Variants in ROBO3 observed in about 807,000 individuals in gnomAD.
ROBO3 encodes roundabout homolog 3.
A neutral mutation model predicts 160.5 loss-of-function variants in ROBO3; 97 were observed. That is an observed-to-expected ratio of 0.60 (90% CI 0.51 to 0.72). ROBO3 has a LOEUF of 0.72. Among genes scored for constraint, ROBO3 ranks in the 30% least tolerant of loss-of-function variants. The pLI, the probability that ROBO3 is intolerant of heterozygous loss-of-function variation, is 0.00. For missense variants in ROBO3, 1,858 were observed against 1,846.5 expected, an observed-to-expected ratio of 1.01 and a Z score of -0.11; for synonymous variants, 780 against 746.2, an observed-to-expected ratio of 1.05 and a Z score of -0.74.
In ROBO3 at chr11:124,873,278, TCA is replaced by T. The variant is rs781097319; in HGVS notation, c.1537-31_1537-30del. 34 of 1,583,298 alleles carry T rather than the reference TCA, an allele frequency of 2.1e-5. 1 individual carries two copies. The highest frequency in any genetic ancestry group is 3.4e-4 in the Middle Eastern group (2 of 5,954). On this transcript the variant is annotated intron_variant, in intron 9 of 27. Transcript: ENST00000397801. The surrounding 1 kb of genome is among the most constrained non-coding windows in gnomAD (Gnocchi z 4.5). ...CCCCTCACTGGATCTTGCTCCACTC[TCA>T]GTTTGCCAGTGCTCTGCCCTCTCTT... is the stretch of plus-strand genomic sequence containing the variant.
Position 124,879,481 on chromosome 11 carries a change from G to T in ROBO3, c.3702G>T (p.Gly1234=), listed in dbSNP as rs1946502193. 1.2e-6 allele frequency: 2 copies of T among 1,613,804 alleles called. No homozygotes were observed. The highest frequency in any genetic ancestry group is 1.1e-5 in the South Asian group (1 of 91,030). The part of the protein sequence containing the change: ...ASSAPGRTWQ[G]NGEMTPPLQG... ...ACACTGCAGGCAGAACCTGGCAGGG[G>T]AATGGGGAGATGACTCCCCCACTTC... Residue 1234 remains glycine, a synonymous_variant, in exon 25 of 28, where the codon GGG becomes GGT. Coordinates refer to ENST00000397801, the MANE Select transcript of ROBO3 (RefSeq NM_022370.4).
rs745508074 is a variant in ROBO3, at chr11:124,870,998, C to T, written c.1034-16C>T. 6.2e-7 allele frequency: 1 copy of T among 1,601,188 alleles called. No homozygotes were observed. The highest frequency in any genetic ancestry group is 8.5e-7 in the Non-Finnish European group (1 of 1,170,514). On this transcript the variant is annotated splice_polypyrimidine_tract_variant and intron_variant, in intron 6 of 27. Coordinates refer to ENST00000397801, the MANE Select transcript of ROBO3 (RefSeq NM_022370.4). ...CCTCTGACTACCTGTTCCTTTTTCT[C>T]ACCTGCCCTTCCCAGTCCCACCCCA... is the stretch of plus-strand genomic sequence containing the variant.
Position 124,871,058 on chromosome 11 carries a change from C to T in ROBO3, c.1078C>T (p.Pro360Ser). 1 of 1,613,754 alleles carries T rather than the reference C, an allele frequency of 6.2e-7. No individual in the cohort carries two copies. Among genetic ancestry groups the T allele is most frequent in the Non-Finnish European group, 8.5e-7 (1 of 1,179,664 alleles). The change falls in exon 7 of 28, where the codon CCT becomes TCT. Residue 360 changes from proline (P) to serine (S), a missense_variant. Physicochemically the swap from Pro to Ser is moderately conservative, Grantham distance 74. Coordinates refer to ENST00000397801, the MANE Select transcript of ROBO3 (RefSeq NM_022370.4). ...CCAGCCCCAGGACCAGATGGCAGCT[C>T]CTGGAGAGAGCGTGGCTTTCCAGTG... ...VTQPQDQMAA[P>S]GESVAFQCET...
At chr11:124,877,378 C>T (rs528027987) in intron 19 of ROBO3, 69 bp downstream of exon 19, 3 of 1,601,714 alleles carry the variant, frequency 1.9e-6, no homozygotes, top group African/African-American at 1.3e-5. Context: ...GCCCCGCTGA[C>T]GCCCCAGGTG....
In ROBO3 at chr11:124,881,356, T is replaced by A; in HGVS notation, c.*106T>A. 1 of 1,118,978 alleles carries A rather than the reference T, an allele frequency of 8.9e-7. No homozygotes were observed. Among genetic ancestry groups the A allele is most frequent in the East Asian group, 2.6e-5 (1 of 38,730 alleles). The allele number at this position is 1,118,978 out of a possible 1,614,324, so 69.3% of individuals were successfully genotyped here. A position where few individuals can be genotyped will look rare whatever the true frequency, so the allele number is the denominator to read the frequency against. On this transcript the variant is annotated 3_prime_UTR_variant, in exon 28 of 28. Coordinates refer to ENST00000397801, the MANE Select transcript of ROBO3 (RefSeq NM_022370.4). ...GTGGGGCTAGCTGAAGCCCATTGGT[T>A]TCCACGATTTCAATTGGCTGAGAAG...
chr11:124,880,501 T>A lies in ROBO3; in HGVS notation c.4042T>A (p.Ser1348Thr). ...CACATGTTCCACGGCCGGCAGCAAC[T>A]CTTCCAGGGGCTCCAGCAGCTCTAG... Reference protein sequence around the residue: ...TSTCSTAGSNSSRGSSSSRGS... With the variant: ...TSTCSTAGSNTSRGSSSSRGS... The change falls in exon 27 of 28, where the codon TCT becomes ACT. Residue 1348 changes from serine (S) to threonine (T), a missense_variant. Ser to Thr is a moderately conservative substitution (Grantham distance 58, BLOSUM62 1). Transcript: ENST00000397801. 1 of 1,598,032 alleles carries A rather than the reference T, an allele frequency of 6.3e-7. No individual in the cohort carries two copies. Among genetic ancestry groups the A allele is most frequent in the Non-Finnish European group, 8.5e-7 (1 of 1,171,854 alleles).
chr11:124,869,723 A>C lies in ROBO3; in HGVS notation c.645+116A>C. Reference sequence around the variant, plus strand: ...GCTAACCAGAGACTAAGAGTCAGCTATACAGTGAGGGATAAGGAAGACGGA... The same window carrying C: ...GCTAACCAGAGACTAAGAGTCAGCTCTACAGTGAGGGATAAGGAAGACGGA... On this transcript the variant is annotated intron_variant, in intron 3 of 27. Coordinates refer to ENST00000397801, the MANE Select transcript of ROBO3 (RefSeq NM_022370.4). This position sits in a 1 kb window ranked among gnomAD's most constrained non-coding sequence, Gnocchi z 4.2. The C allele has an allele frequency of 2.3e-6, 3 of 1,310,136 alleles. No individual in the cohort carries two copies. The highest frequency in any genetic ancestry group is 3.1e-6 in the Non-Finnish European group (3 of 960,822). 81.2% of individuals were successfully genotyped at this position (1,310,136 alleles called of 1,614,324 possible). A position where few individuals can be genotyped will look rare whatever the true frequency, so the allele number is the denominator to read the frequency against.
At position 124,878,637 on chromosome 11, in the gene ROBO3, A is replaced by G. The variant is rs777853858; in HGVS notation, c.3374A>G (p.Glu1125Gly). Reference sequence around the variant, plus strand: ...ATGCCTGAGAGAAGTCACCTGACGGAGCCCAGCTCCAGTGGAGGGTGCCTG... The same window carrying G: ...ATGCCTGAGAGAAGTCACCTGACGGGGCCCAGCTCCAGTGGAGGGTGCCTG... ...PPMPERSHLT[E>G]PSSSGGCLVT... The change falls in exon 23 of 28, where the codon GAG becomes GGG. Residue 1125 changes from glutamate to glycine, a missense_variant. Glu to Gly is a moderately conservative substitution (Grantham distance 98). Coordinates refer to ENST00000397801, the MANE Select transcript of ROBO3 (RefSeq NM_022370.4). The surrounding 1 kb of genome is among the most constrained non-coding windows in gnomAD (Gnocchi z 4.3). 1.9e-6 allele frequency: 3 copies of G among 1,613,402 alleles called. No individual in the cohort carries two copies. Among genetic ancestry groups the G allele is most frequent in the Admixed American group, 3.3e-5 (2 of 59,946 alleles).
At position 124,869,806 on chromosome 11, in the gene ROBO3, G is replaced by T. The variant is rs1946255330; in HGVS notation, c.646-142G>T. 3.1e-6 allele frequency: 4 copies of T among 1,307,452 alleles called. No homozygotes were observed. Among genetic ancestry groups the T allele is most frequent in the Non-Finnish European group, 4.2e-6 (4 of 947,434 alleles). The allele number at this position is 1,307,452 out of a possible 1,614,324, so 81.0% of individuals were successfully genotyped here. The stretch of plus-strand genomic sequence containing the variant: ...CCCAGGAACTTCCCATTTGATATGT[G>T]GGTCAACTTCCTTGGTCTCCTTTAT... On this transcript the variant is annotated intron_variant, in intron 3 of 27. Coordinates refer to ENST00000397801, the MANE Select transcript of ROBO3 (RefSeq NM_022370.4). The surrounding 1 kb of genome is among the most constrained non-coding windows in gnomAD (Gnocchi z 4.2).
intron 19 of ROBO3, 82 bp from the exon 20 acceptor site, chr11:124,877,437 A>G (rs10790713): frequency 0.41 from 649,216 of 1,590,718 alleles, 140,525 homozygotes; most frequent in Non-Finnish European, 0.45. Flanking sequence ...ACTGTCCTGA[A>G]ACTCCCGAAT....
intron 1 of ROBO3, chr11:124,868,581 C>A (rs139666137): frequency 0.011 from 7,284 of 657,954 alleles, 63 homozygotes; most frequent in Non-Finnish European, 0.016. Context: ...CTCTACTAAC[C>A]GGCCTGTCTG....
intron 27 of ROBO3, 21 bp downstream of exon 27, chr11:124,880,629 A>G: frequency 2.6e-6 from 4 of 1,514,984 alleles, no homozygotes; most frequent in Non-Finnish European, 2.6e-6. Context: ...TAGATTGCAG[A>G]AAAATGAGGG....
rs886047915 is a variant in ROBO3, at chr11:124,881,361, C to T, written c.*111C>T. The T allele has an allele frequency of 4.7e-6, 5 of 1,071,950 alleles. No homozygotes were observed. The highest frequency in any genetic ancestry group is 2.1e-5 in the Admixed American group (1 of 47,552). 66.4% of individuals were successfully genotyped at this position (1,071,950 alleles called of 1,614,324 possible). The stretch of plus-strand genomic sequence containing the variant: ...GCTAGCTGAAGCCCATTGGTTTCCA[C>T]GATTTCAATTGGCTGAGAAGGCAGA... On this transcript the variant is annotated 3_prime_UTR_variant, in exon 28 of 28. Transcript: ENST00000397801.
rs1342808069 is a variant in ROBO3 at position 124,877,940 on chromosome 11, C to T, written c.2990C>T (p.Ala997Val). 1 of 1,597,694 alleles carries T rather than the reference C, an allele frequency of 6.3e-7. No homozygotes were observed. Among genetic ancestry groups the T allele is most frequent in the Non-Finnish European group, 8.5e-7 (1 of 1,169,748 alleles). The change falls in exon 21 of 28, where the codon GCG becomes GTG. Residue 997 changes from alanine (A) to valine (V), a missense_variant. Physicochemically the swap from Ala to Val is moderately conservative, Grantham distance 64. Transcript: ENST00000397801. ...CCTCCCTCTTTCTTCTCTGCAGAAG[C>T]GGGAATCTCCCTGTATCTAGCTCAG... ...PDPDDRYYNE[A>V]GISLYLAQTA...
intron 15 of ROBO3, 121 bp downstream of exon 15, chr11:124,875,806 G>C (rs750043495): frequency 6.9e-6 from 10 of 1,456,424 alleles, no homozygotes; most frequent in Non-Finnish European, 9.5e-6. Flanking sequence ...TTGGGGATGA[G>C]TTTAGGGGAG....
At position 124,872,597 on chromosome 11, in the gene ROBO3, A is replaced by G. The variant is rs533961419; in HGVS notation, c.1330+45A>G. On this transcript the variant is annotated intron_variant, in intron 8 of 27. Coordinates refer to ENST00000397801, the MANE Select transcript of ROBO3 (RefSeq NM_022370.4). The surrounding 1 kb of genome is among the most constrained non-coding windows in gnomAD (Gnocchi z 4.3). ...GGACTGGATCCATGGCTTGGGAGGA[A>G]ATAATGGCCTAAAGTGATGTGTTTC... The G allele has an allele frequency of 2.6e-6, 4 of 1,564,312 alleles. No homozygotes were observed. Among genetic ancestry groups the G allele is most frequent in the Non-Finnish European group, 3.5e-6 (4 of 1,142,186 alleles).
At chr11:124,870,325 G>A in intron 5 of ROBO3, 22 bp downstream of exon 5, 4 of 1,607,818 alleles carry the variant, frequency 2.5e-6, no homozygotes, top group African/African-American at 1.3e-5. Context: ...CCTTCTGCCT[G>A]TAGGAAGACC....
rs1480161895 is a variant in ROBO3, at chr11:124,873,056, G to T, written c.1503G>T (p.Met501Ile). 1 of 1,613,906 alleles carries T rather than the reference G, an allele frequency of 6.2e-7. No individual in the cohort carries two copies. The highest frequency in any genetic ancestry group is 1.1e-5 in the South Asian group (1 of 91,062). Residue 501 changes from methionine (M) to isoleucine (I), a missense_variant, in exon 9 of 28, where the codon ATG (methionine) becomes ATT (isoleucine). Met to Ile is a conservative substitution (Grantham distance 10). Transcript: ENST00000397801. This position sits in a 1 kb window ranked among gnomAD's most constrained non-coding sequence, Gnocchi z 4.5. ...LQGDDLQFKT[M>I]ANGTLYIANV... ...GGGATGACCTCCAGTTCAAGACAAT[G>T]GCCAACGGTACCCTGTACATCGCCA...
chr11:124,873,961 C>T lies in ROBO3; in HGVS notation c.1784+99C>T. 1.9e-6 allele frequency: 3 copies of T among 1,583,556 alleles called. No homozygotes were observed. The highest frequency in any genetic ancestry group is 2.3e-5 in the South Asian group (2 of 88,816). On this transcript the variant is annotated intron_variant, in intron 11 of 27. Coordinates refer to ENST00000397801, the MANE Select transcript of ROBO3 (RefSeq NM_022370.4). The surrounding 1 kb of genome is among the most constrained non-coding windows in gnomAD (Gnocchi z 4.5). ...TTGTGAGGTGGGATTCTCCAGTACC[C>T]TCTTGCAAGGGGAAGACATAATGGT...
Sources: allele counts gnomAD v4.1 joint callset, GRCh38; gene constraint gnomAD v4.1.1; non-coding constraint Gnocchi (gnomAD v3.1); transcripts MANE v1.5; gene names NCBI Gene and HGNC (gene_info 2026-07-23, HGNC 2026-07-21).